Variants in FMN2 observed in about 807,000 individuals in gnomAD.
FMN2 encodes the protein formin 2.
FMN2 carries 51 observed loss-of-function variants against 142.3 expected under a neutral mutation model. The observed-to-expected ratio is 0.36, with a 90% CI of 0.29 to 0.45. FMN2 has a LOEUF of 0.45. FMN2 is among the 20% of genes least tolerant of loss of function. FMN2 has a pLI of 1.00. For missense variants in FMN2, 1,936 were observed against 2,122.8 expected (o/e 0.91, Z 1.73); for synonymous variants, 882 against 869.8 (o/e 1.01, Z -0.25).
intron 14 of FMN2, among the ~76,000 whole-genome samples, chr1:240,359,071 G>A (rs1672377483): frequency 6.6e-6 from 1 of 152,138 alleles, no homozygotes; most frequent in Non-Finnish European, 1.5e-5. Flanking sequence ...GTTGCAGTGA[G>A]CCGAGATTGT....
chr1:240,197,064 C>T (rs1665939379), intron 4 of FMN2, among the ~76,000 whole-genome samples: 1 of 152,020 alleles, frequency 6.6e-6, no homozygotes, highest in Admixed American at 6.5e-5. Flanking sequence ...GGGGCTGGTC[C>T]ACAGAAAGAC....
intron 7 of FMN2, among the ~76,000 whole-genome samples, chr1:240,289,000 G>A (rs1369210958): frequency 1.3e-5 from 2 of 152,146 alleles, no homozygotes; most frequent in African/African-American, 4.8e-5. Flanking sequence ...AGCTGCACCT[G>A]GATTTGTGAC....
intron 14 of FMN2, among the ~76,000 whole-genome samples, chr1:240,362,627 A>G (rs950601851): frequency 2.0e-5 from 3 of 152,204 alleles, no homozygotes; most frequent in African/African-American, 7.2e-5. Context: ...TGACCTTTAT[A>G]TATGGATCTG....
chr1:240,151,476 T>C (rs1663770188), intron 2 of FMN2, among the ~76,000 whole-genome samples: 1 of 152,030 alleles, frequency 6.6e-6, no homozygotes, highest in South Asian at 2.1e-4. Context: ...TGCGCTTTCC[T>C]GGGGCGAATT....
intron 7 of FMN2, 37 bp from the exon 8 acceptor site, chr1:240,294,785 G>A (rs1669910647): frequency 6.2e-7 from 1 of 1,604,236 alleles, no homozygotes. Context: ...TTCACAGGTG[G>A]CTTATGGCAA....
At chr1:240,361,252 C>A (rs535537540) in intron 14 of FMN2, among the ~76,000 whole-genome samples, 1 of 147,966 alleles carries the variant, frequency 6.8e-6, no homozygotes, top group Non-Finnish European at 1.5e-5. Context: ...GTAGTTGCGT[C>A]GTGGGAGGGA....
At chr1:240,428,382 C>G (rs535583179) in intron 15 of FMN2, among the ~76,000 whole-genome samples, 1 of 151,942 alleles carries the variant, frequency 6.6e-6, no homozygotes, top group African/African-American at 2.4e-5. Context: ...TGCACACCAC[C>G]ACACCTGGCA....
chr1:240,419,507 T>C (rs193062894), intron 15 of FMN2, among the ~76,000 whole-genome samples: 1 of 152,302 alleles, frequency 6.6e-6, no homozygotes, highest in African/African-American at 2.4e-5. Context: ...CTACAAGCTG[T>C]ACTTTTGCCA....
chr1:240,145,530 ATTTTTTTT>A (rs71168902), intron 2 of FMN2: 332 of 84,476 alleles, frequency 3.9e-3, no homozygotes, highest in African/African-American at 6.5e-3. Flanking sequence ...TTCTTTTTCT[ATTTTTTTT>A]TTTTTTTTTT....
chr1:240,350,173 T>C (rs888223294), intron 13 of FMN2, among the ~76,000 whole-genome samples: 1 of 152,222 alleles, frequency 6.6e-6, no homozygotes, highest in African/African-American at 2.4e-5. Context: ...CTCTAGAACG[T>C]GACATTCTAT....
intron 8 of FMN2, among the ~76,000 whole-genome samples, chr1:240,324,887 T>C (rs1671108324): frequency 6.6e-6 from 1 of 152,104 alleles, no homozygotes. Context: ...ATGTCTGTAA[T>C]TTGTTGGGGT....
In FMN2 at chr1:240,450,871, G is replaced by A. The variant is rs550410798; in HGVS notation, c.5060+12661G>A. ...CCTTTACAGAAAGGGCACGCAGACC[G>A]TTCCTAGGGCAAGCCACCTCCACCA... On this transcript the variant is annotated intron_variant, in intron 16 of 17. Coordinates refer to ENST00000319653, the MANE Select transcript of FMN2 (RefSeq NM_020066.5). Among the ~76,000 whole-genome samples, 53 of 152,250 alleles carry A rather than the reference G, an allele frequency of 3.5e-4. 1 individual carries two copies. In the South Asian group the frequency reaches 0.01, roughly 30 times the overall value.
Position 240,178,428 on chromosome 1 carries a change from C to T in FMN2, c.1930+360C>T, listed in dbSNP as rs182318863. On this transcript the variant is annotated intron_variant, in intron 3 of 17. Transcript: ENST00000319653. ...AATATGGTTGTTTTGTCCTTTTTTC[C>T]CCCCTTCTTCTTCTTCTTCTTTTTT... is the stretch of plus-strand genomic sequence containing the variant. Among the ~76,000 whole-genome samples the T allele has an allele frequency of 8.1e-3, 1,220 of 149,712 alleles. 25 individuals are homozygous for T. Among genetic ancestry groups the T allele is most frequent in the African/African-American group, 0.029 (1,184 of 40,482 alleles).
At chr1:240,240,639 G>A (rs1033483577) in intron 6 of FMN2, among the ~76,000 whole-genome samples, 2 of 152,138 alleles carry the variant, frequency 1.3e-5, no homozygotes, top group Non-Finnish European at 2.9e-5. Context: ...TACTCACAAT[G>A]TATTGGTTTT....
At position 240,092,820 on chromosome 1, in the gene FMN2, T is replaced by C. The variant is rs1168714585; in HGVS notation, c.711T>C (p.Thr237=). 3.8e-6 allele frequency: 6 copies of C among 1,573,902 alleles called. No homozygotes were observed. The highest frequency in any genetic ancestry group is 5.2e-6 in the Non-Finnish European group (6 of 1,161,010). ...QGAEEPAAPP[T]AVSPQPGAFL... ...CCGAGGAGCCTGCAGCGCCCCCCAC[T>C]GCCGTCTCCCCTCAGCCCGGGGCCT... Residue 237 remains threonine (T), a synonymous_variant, in exon 1 of 18, where the codon ACT becomes ACC. Coordinates refer to ENST00000319653, the MANE Select transcript of FMN2 (RefSeq NM_020066.5).
chr1:240,256,055 C>T (rs531900748), intron 6 of FMN2, among the ~76,000 whole-genome samples: 11 of 152,064 alleles, frequency 7.2e-5, no homozygotes, highest in East Asian at 5.8e-4. Flanking sequence ...ATAGGGAGGT[C>T]GAATGATAGA....
In FMN2 at chr1:240,445,897, G is replaced by A. The variant is rs147722100; in HGVS notation, c.5060+7687G>A. Among the ~76,000 whole-genome samples the A allele has an allele frequency of 5.7e-3, 869 of 152,152 alleles. 10 individuals are homozygous for A. Among genetic ancestry groups the A allele is most frequent in the African/African-American group, 0.02 (843 of 41,530 alleles). Reference sequence around the variant, plus strand: ...AAGGCAGTAAAGATTGTGGAAAATAGGTGAATTTGAGATATATTTTGGAGG... The same window carrying A: ...AAGGCAGTAAAGATTGTGGAAAATAAGTGAATTTGAGATATATTTTGGAGG... On this transcript the variant is annotated intron_variant, in intron 16 of 17. Transcript: ENST00000319653.
intron 2 of FMN2, chr1:240,144,959 C>T: frequency 8.0e-7 from 1 of 1,257,574 alleles, no homozygotes; most frequent in Non-Finnish European, 1.2e-6. Flanking sequence ...ATACTTGAGG[C>T]ACTCGCACTC....
At chr1:240,156,085 A>G (rs879397712) in intron 2 of FMN2, among the ~76,000 whole-genome samples, 36 of 152,054 alleles carry the variant, frequency 2.4e-4, no homozygotes, top group Admixed American at 2.6e-4. Flanking sequence ...CTAAACAACA[A>G]CAACAACAAC....
Sources: gnomAD v4.1 joint callset for allele counts (sites outside exome capture counted in the v4.1 genomes callset) on GRCh38, gnomAD v4.1.1 for gene constraint, MANE v1.5 for transcripts, NCBI Gene and HGNC (gene_info 2026-07-23, HGNC 2026-07-21) for gene names.